The following UMAD1 variants were observed in gnomAD, a reference collection of about 807,000 sequenced individuals.
The protein encoded by UMAD1 is UBAP1-MVB12-associated (UMA)-domain containing protein 1.
In UMAD1, 8 loss-of-function variants were observed where a neutral mutation model predicts 6.1. That is an observed-to-expected ratio of 1.30 (90% confidence interval 0.76 to 2.35). The LOEUF is 2.35. UMAD1 is among the 30% of genes most tolerant of loss of function. The pLI, the probability that UMAD1 is intolerant of heterozygous loss-of-function variation, is 0.00. For synonymous variants in UMAD1, 56 were observed against 31.4 expected (o/e 1.78, Z -2.61); for missense variants, 130 against 78.4 (o/e 1.66, Z -2.49).
intron 2 of UMAD1, among the ~76,000 whole-genome samples, chr7:7,691,429 T>C (rs1374640022): frequency 6.6e-6 from 1 of 152,234 alleles, no homozygotes; most frequent in African/African-American, 2.4e-5. Context: ...TCATCTAAAA[T>C]GATAGTTTGT....
chr7:7,694,281 A>G (rs1780252673), intron 2 of UMAD1, among the ~76,000 whole-genome samples: 1 of 152,170 alleles, frequency 6.6e-6, no homozygotes, highest in Admixed American at 6.5e-5. Flanking sequence ...TTTATGGGTT[A>G]TATGAGATTT....
At chr7:7,836,315 A>G (rs572834364) in intron 3 of UMAD1, among the ~76,000 whole-genome samples, 1 of 152,182 alleles carries the variant, frequency 6.6e-6, no homozygotes, top group East Asian at 1.9e-4. Context: ...ACAAAGGAAC[A>G]GTAATTTTAC....
At chr7:7,817,318 C>T (rs973400518) in intron 3 of UMAD1, among the ~76,000 whole-genome samples, 2 of 152,154 alleles carry the variant, frequency 1.3e-5, no homozygotes, top group African/African-American at 2.4e-5. Context: ...GTTCCCTGTG[C>T]GTGGCATGCA....
At chr7:7,814,402 G>C (rs1036641821) in intron 3 of UMAD1, among the ~76,000 whole-genome samples, 15 of 152,148 alleles carry the variant, frequency 9.9e-5, no homozygotes, top group African/African-American at 3.6e-4. Context: ...CTAGGGGGAA[G>C]CTCAGACCTA....
chr7:7,682,320 G>T (rs1371839542), intron 2 of UMAD1, among the ~76,000 whole-genome samples: 23 of 151,752 alleles, frequency 1.5e-4, no homozygotes, highest in Admixed American at 1.5e-3. Context: ...CTGTTTTCCA[G>T]TCTCAATGAT....
intron 2 of UMAD1, among the ~76,000 whole-genome samples, chr7:7,794,095 C>T (rs1344483207): frequency 6.6e-6 from 1 of 152,076 alleles, no homozygotes; most frequent in Non-Finnish European, 1.5e-5. Flanking sequence ...CCCTTGGAAC[C>T]AGTGTTTCAT....
At chr7:7,787,567 A>G (rs1226160844) in intron 2 of UMAD1, among the ~76,000 whole-genome samples, 1 of 152,186 alleles carries the variant, frequency 6.6e-6, no homozygotes, top group Non-Finnish European at 1.5e-5. Context: ...TTTATATTTC[A>G]TGTTATTTAC....
At chr7:7,709,191 CCTAT>C (rs1352848579) in intron 2 of UMAD1, among the ~76,000 whole-genome samples, 4 of 152,066 alleles carry the variant, frequency 2.6e-5, no homozygotes, top group Middle Eastern at 3.2e-3. Flanking sequence ...TCTTTGTTTT[CCTAT>C]CTGTGTGCTG....
At chr7:7,862,196 T>G (rs547078299) in intron 3 of UMAD1, among the ~76,000 whole-genome samples, 1 of 152,186 alleles carries the variant, frequency 6.6e-6, no homozygotes, top group Non-Finnish European at 1.5e-5. Flanking sequence ...ATAAGTGATG[T>G]CAATTTATTT....
chr7:7,713,856 G>A (rs1375917596), intron 2 of UMAD1, among the ~76,000 whole-genome samples: 1 of 151,910 alleles, frequency 6.6e-6, no homozygotes, highest in Non-Finnish European at 1.5e-5. Context: ...CTAGAGGCAG[G>A]GTCTCACTCT....
intron 3 of UMAD1, among the ~76,000 whole-genome samples, chr7:7,840,707 G>A (rs1321460687): frequency 6.6e-6 from 1 of 152,142 alleles, no homozygotes; most frequent in Non-Finnish European, 1.5e-5. Flanking sequence ...AGTGGCAATA[G>A]CAGCAGCATT....
At chr7:7,665,662 C>T (rs946652062) in intron 1 of UMAD1, among the ~76,000 whole-genome samples, 9 of 152,158 alleles carry the variant, frequency 5.9e-5, no homozygotes, top group African/African-American at 2.2e-4. Flanking sequence ...CCTGCTACTC[C>T]CTTGTCATCC....
chr7:7,867,008 G>T (rs1784243866), intron 3 of UMAD1, among the ~76,000 whole-genome samples: 2 of 152,190 alleles, frequency 1.3e-5, no homozygotes, highest in African/African-American at 4.8e-5. Flanking sequence ...GTGATTTATT[G>T]CATGGAGGAA....
At chr7:7,658,654 A>G (rs758112090) in intron 1 of UMAD1, among the ~76,000 whole-genome samples, 1 of 152,188 alleles carries the variant, frequency 6.6e-6, no homozygotes, top group South Asian at 2.1e-4. Flanking sequence ...CATCCCATTG[A>G]TGAAGCTGAT....
rs534428464 is a variant in UMAD1 at position 7,716,921 on chromosome 7, C to T, written c.82+43468C>T. On this transcript the variant is annotated intron_variant, in intron 2 of 3. Transcript: ENST00000682710. ...GGCACACCTGGTCTGATCAATCTCT[C>T]GTGCCCTATGTAAATCAGACACCGC... Among the ~76,000 whole-genome samples the T allele has an allele frequency of 4.6e-5, 7 of 152,262 alleles. 1 individual carries two copies. The highest frequency in any genetic ancestry group is 1.7e-4 in the African/African-American group (7 of 41,554).
Position 7,718,374 on chromosome 7 carries a change from C to T in UMAD1, c.82+44921C>T, listed in dbSNP as rs1473779116. The T allele has an allele frequency of 2.0e-5, 3 of 152,276 alleles. No individual in the cohort carries two copies. The East Asian group carries it at 5.8e-4, about 29-fold the overall frequency. The allele number at this position is 152,276 out of a possible 1,614,324, so 9.4% of individuals were successfully genotyped here. On this transcript the variant is annotated intron_variant, in intron 2 of 3. Coordinates refer to ENST00000682710, the MANE Select transcript of UMAD1 (RefSeq NM_001302348.2). ...TTGTCTGTTCTTACCACCATATTCCCAGCACTAGCATGGAACAAATGAATA... is the reference window on the plus strand; with the variant it reads ...TTGTCTGTTCTTACCACCATATTCCTAGCACTAGCATGGAACAAATGAATA...
chr7:7,684,061 C>T (rs1779980680), intron 2 of UMAD1, among the ~76,000 whole-genome samples: 1 of 152,212 alleles, frequency 6.6e-6, no homozygotes, highest in African/African-American at 2.4e-5. Context: ...ATGTGACCTA[C>T]ATACATCCTC....
intron 2 of UMAD1, among the ~76,000 whole-genome samples, chr7:7,765,191 T>C (rs1219533283): frequency 6.6e-6 from 1 of 152,146 alleles, no homozygotes. Context: ...TTCACTCATA[T>C]CTTGCCTCTC....
chr7:7,645,565 C>A (rs561655104), intron 1 of UMAD1, among the ~76,000 whole-genome samples: 1 of 152,158 alleles, frequency 6.6e-6, no homozygotes. Flanking sequence ...AGGAGTATTC[C>A]CCGAAGTCCT....
Sources: allele counts gnomAD v4.1 joint callset (sites outside exome capture counted in the v4.1 genomes callset), GRCh38; gene constraint gnomAD v4.1.1; transcripts MANE v1.5; gene names NCBI Gene and HGNC (gene_info 2026-07-23, HGNC 2026-07-21).